Variants in GALNTL6 observed in about 807,000 individuals in gnomAD.
The protein encoded by GALNTL6 is polypeptide N-acetylgalactosaminyltransferase-like 6.
Under a neutral mutation model 73.7 loss-of-function variants are expected in GALNTL6, and 46 were observed. The ratio of observed to expected loss-of-function variants is 0.62; its 90% CI spans 0.49 to 0.80. The LOEUF (loss-of-function observed/expected upper bound fraction) is 0.80. GALNTL6 is among the 30% of genes least tolerant of loss of function. The probability of loss-of-function intolerance (pLI) is 0.00; values close to 1 mark genes in which losing one functional copy is unlikely to be tolerated. For missense variants in GALNTL6, 604 were observed against 755.0 expected (o/e 0.80, Z 2.34); for synonymous variants, 259 against 263.7 (o/e 0.98, Z 0.17).
intron 7 of GALNTL6, among the ~76,000 whole-genome samples, chr4:172,815,150 A>T (rs1741528348): frequency 6.6e-6 from 1 of 152,186 alleles, no homozygotes. Flanking sequence ...TTAAGGTGGG[A>T]CGAGTGACAA....
At chr4:172,457,742 T>G (rs1475639617) in intron 5 of GALNTL6, among the ~76,000 whole-genome samples, 1 of 152,152 alleles carries the variant, frequency 6.6e-6, no homozygotes, top group Admixed American at 6.5e-5. Context: ...TGACTTAGAT[T>G]CCCACACAAT....
intron 5 of GALNTL6, among the ~76,000 whole-genome samples, chr4:172,725,828 T>C (rs939996070): frequency 2.0e-5 from 3 of 152,206 alleles, no homozygotes; most frequent in Admixed American, 6.5e-5. Context: ...CTTGTAGATA[T>C]ATCAGTGAAC....
chr4:172,993,507 G>T (rs1013171049), intron 10 of GALNTL6, among the ~76,000 whole-genome samples: 1 of 152,188 alleles, frequency 6.6e-6, no homozygotes, highest in Non-Finnish European at 1.5e-5. Flanking sequence ...TGGCTTACTG[G>T]CATGAGGTTA....
At chr4:172,621,849 T>C (rs947782842) in intron 5 of GALNTL6, among the ~76,000 whole-genome samples, 11 of 152,208 alleles carry the variant, frequency 7.2e-5, no homozygotes, top group African/African-American at 2.7e-4. Context: ...AGCTAATGTT[T>C]TTTTCTTCCT....
chr4:172,056,653 G>A (rs1452027705), intron 2 of GALNTL6, among the ~76,000 whole-genome samples: 2 of 151,848 alleles, frequency 1.3e-5, no homozygotes, highest in South Asian at 4.2e-4. Context: ...AATTCATCAA[G>A]CAAAGAAAAA....
At chr4:171,857,073 C>T (rs2110872249) in intron 2 of GALNTL6, among the ~76,000 whole-genome samples, 1 of 152,104 alleles carries the variant, frequency 6.6e-6, no homozygotes, top group East Asian at 1.9e-4. Context: ...TAAATACAAG[C>T]ATGAAAATAA....
chr4:171,833,845 C>T (rs1735037428), intron 2 of GALNTL6, among the ~76,000 whole-genome samples: 1 of 151,712 alleles, frequency 6.6e-6, no homozygotes, highest in African/African-American at 2.4e-5. Flanking sequence ...TATCAAATAG[C>T]TACATTTCTC....
chr4:172,795,302 T>C (rs1294172567), intron 5 of GALNTL6, among the ~76,000 whole-genome samples: 3 of 152,106 alleles, frequency 2.0e-5, no homozygotes, highest in Admixed American at 6.6e-5. Context: ...GAGGGTGGCC[T>C]TGTGTGGGTG....
chr4:172,311,840 T>C, intron 4 of GALNTL6, 88 bp downstream of exon 4: 1 of 821,812 alleles, frequency 1.2e-6, no homozygotes, highest in Non-Finnish European at 1.8e-6. Context: ...CACTGCGAGA[T>C]ATGTAACCAA....
In GALNTL6 at chr4:172,141,317, T is replaced by A. The variant is rs552402217; in HGVS notation, c.139-88339T>A. Among the ~76,000 whole-genome samples the A allele has an allele frequency of 9.2e-5, 14 of 152,170 alleles. No homozygotes were observed. The South Asian group carries it at 2.9e-3, about 32-fold the overall frequency. ...ACAGAAATAAATTAAACACAACCTGTTTCTTTCAAGAATCTCTCAATCTGT... is the reference window on the plus strand; with the variant it reads ...ACAGAAATAAATTAAACACAACCTGATTCTTTCAAGAATCTCTCAATCTGT... On this transcript the variant is annotated intron_variant, in intron 2 of 12. Coordinates refer to ENST00000506823, the MANE Select transcript of GALNTL6 (RefSeq NM_001034845.3).
At chr4:171,814,950 A>T in intron 2 of GALNTL6, 1 of 568,200 alleles carries the variant, frequency 1.8e-6, no homozygotes, top group Admixed American at 3.1e-5. Context: ...CAGGTCAAGA[A>T]GAAGAGAAGA....
chr4:172,747,789 T>C (rs1300881818), intron 5 of GALNTL6, among the ~76,000 whole-genome samples: 1 of 151,920 alleles, frequency 6.6e-6, no homozygotes, highest in East Asian at 1.9e-4. Context: ...TGATTAACTT[T>C]TTTTTTAATG....
At chr4:172,612,170 A>G (rs1738548980) in intron 5 of GALNTL6, among the ~76,000 whole-genome samples, 1 of 152,094 alleles carries the variant, frequency 6.6e-6, no homozygotes, top group African/African-American at 2.4e-5. Flanking sequence ...AGATAGCAGG[A>G]AGAATTTTTA....
intron 10 of GALNTL6, among the ~76,000 whole-genome samples, chr4:173,001,108 A>G (rs1752024208): frequency 3.9e-5 from 6 of 152,204 alleles, no homozygotes; most frequent in Admixed American, 2.6e-4. Context: ...TATGTTAACA[A>G]GCCAAGGAAC....
intron 5 of GALNTL6, among the ~76,000 whole-genome samples, chr4:172,377,575 C>T (rs889584486): frequency 6.6e-5 from 10 of 152,246 alleles, no homozygotes; most frequent in Non-Finnish European, 1.3e-4. Context: ...GACTGGGTGC[C>T]GTGGAGCAGG....
intron 5 of GALNTL6, among the ~76,000 whole-genome samples, chr4:172,586,512 A>G (rs1737416344): frequency 6.6e-6 from 1 of 151,704 alleles, no homozygotes; most frequent in Non-Finnish European, 1.5e-5. Flanking sequence ...AGATGAAAGC[A>G]TTACGGCATT....
At chr4:172,502,982 C>G (rs777826150) in intron 5 of GALNTL6, among the ~76,000 whole-genome samples, 1 of 152,096 alleles carries the variant, frequency 6.6e-6, no homozygotes, top group Non-Finnish European at 1.5e-5. Flanking sequence ...ACAGAAATCT[C>G]GGATAACGTT....
At chr4:172,643,319 T>A (rs1443770197) in intron 5 of GALNTL6, among the ~76,000 whole-genome samples, 2 of 151,964 alleles carry the variant, frequency 1.3e-5, no homozygotes, top group Admixed American at 6.6e-5. Flanking sequence ...TAAGGCCACA[T>A]CTGTTGCATT....
At chr4:172,929,995 G>T (rs1748241955) in intron 8 of GALNTL6, among the ~76,000 whole-genome samples, 1 of 152,002 alleles carries the variant, frequency 6.6e-6, no homozygotes, top group South Asian at 2.1e-4. Context: ...CAGCATCTAG[G>T]GCCAGGTGCG....
Sources: allele counts gnomAD v4.1 joint callset (sites outside exome capture counted in the v4.1 genomes callset), GRCh38; gene constraint gnomAD v4.1.1; transcripts MANE v1.5; gene names NCBI Gene and HGNC (gene_info 2026-07-23, HGNC 2026-07-21).